The following TTC6 variants were observed in gnomAD, a reference collection of about 807,000 sequenced individuals.
TTC6 encodes the protein tetratricopeptide repeat domain 6, also known as tetratricopeptide repeat protein 6.
In TTC6, 172 loss-of-function variants were observed where a neutral mutation model predicts 210.4. The ratio of observed to expected loss-of-function variants is 0.82; its 90% CI spans 0.72 to 0.93. The LOEUF (loss-of-function observed/expected upper bound fraction) is 0.93, where lower values mean the gene tolerates loss of function less well. Among genes scored for constraint, TTC6 ranks in the 40% least tolerant of loss-of-function variants. The probability of loss-of-function intolerance (pLI) is 0.00; values close to 1 mark genes in which losing one functional copy is unlikely to be tolerated. For synonymous variants in TTC6, 804 were observed against 819.6 expected, an observed-to-expected ratio of 0.98 and a Z score of 0.32; for missense variants, 2,414 against 2,318.1, an observed-to-expected ratio of 1.04 and a Z score of -0.85.
upstream of TTC6, among the ~76,000 whole-genome samples, chr14:37,620,941 A>T (rs2095650076): frequency 2.0e-5 from 3 of 152,156 alleles, no homozygotes; most frequent in African/African-American, 7.2e-5. Flanking sequence ...GCCAGCCTTT[A>T]TTCTTTCTTC....
intron 24 of TTC6, among the ~76,000 whole-genome samples, chr14:37,811,252 ATGTT>A: frequency 6.6e-6 from 1 of 152,350 alleles, no homozygotes; most frequent in East Asian, 1.9e-4. Context: ...TAAAAGAAAA[ATGTT>A]AGACAATTTG....
chr14:37,632,323 G>A (rs919505215), intron 1 of TTC6, among the ~76,000 whole-genome samples: 1 of 152,188 alleles, frequency 6.6e-6, no homozygotes, highest in African/African-American at 2.4e-5. Flanking sequence ...TTTGGTTGAT[G>A]TTGAGGCTAT....
In TTC6 at chr14:37,682,969, G is replaced by C; in HGVS notation, c.1257+5G>C. On this transcript the variant is annotated splice_donor_5th_base_variant and intron_variant, in intron 3 of 30. Transcript: ENST00000553443. Reference sequence around the variant, plus strand: ...GCCAAGTGGGTGTCTTTAACGGTAAGAAACTATTTATGTTGGAAACACCTA... The same window carrying C: ...GCCAAGTGGGTGTCTTTAACGGTAACAAACTATTTATGTTGGAAACACCTA... The C allele has an allele frequency of 6.5e-7, 1 of 1,534,358 alleles. No individual in the cohort carries two copies. Among genetic ancestry groups the C allele is most frequent in the African/African-American group, 1.4e-5 (1 of 73,054 alleles).
intron 14 of TTC6, among the ~76,000 whole-genome samples, chr14:37,772,797 A>G (rs2096024430): frequency 6.6e-6 from 1 of 152,120 alleles, no homozygotes; most frequent in African/African-American, 2.4e-5. Flanking sequence ...TGTAGACCGG[A>G]GCTGTTCCTA....
intron 1 of TTC6, among the ~76,000 whole-genome samples, chr14:37,633,762 C>T (rs911810456): frequency 1.6e-4 from 25 of 152,156 alleles, no homozygotes; most frequent in South Asian, 8.3e-4. Context: ...TCAATGGAGG[C>T]CATGTGGAGA....
At chr14:37,679,122 T>C (rs2095777066) in intron 1 of TTC6, among the ~76,000 whole-genome samples, 1 of 152,044 alleles carries the variant, frequency 6.6e-6, no homozygotes, top group African/African-American at 2.4e-5. Context: ...CTCAGGAGGC[T>C]GAGGTGAAAG....
At chr14:37,832,998 C>T (rs1478813777) in intron 29 of TTC6, among the ~76,000 whole-genome samples, 1 of 145,290 alleles carries the variant, frequency 6.9e-6, no homozygotes, top group East Asian at 2.0e-4. Flanking sequence ...GCGGAGGTTG[C>T]AGTGAGCTGA....
intron 3 of TTC6, among the ~76,000 whole-genome samples, chr14:37,683,539 A>G (rs981608141): frequency 2.0e-5 from 3 of 152,178 alleles, no homozygotes; most frequent in Admixed American, 1.3e-4. Context: ...GTGAATACAC[A>G]TAGGACAATA....
rs566215823 is a variant in TTC6, at chr14:37,753,091, C to G, written c.3130-8C>G. 45 of 1,527,006 alleles carry G rather than the reference C, an allele frequency of 2.9e-5. 1 individual carries two copies. In the South Asian group the frequency reaches 5.4e-4, roughly 18 times the overall value. The allele number at this position is 1,527,006 out of a possible 1,614,324, so 94.6% of individuals were successfully genotyped here. A position where few individuals can be genotyped will look rare whatever the true frequency, so the allele number is the denominator to read the frequency against. ...GTGATGTTTATGTACCTCCCGCTGT[C>G]CCTATAGTGTATTTTTTATGATCCC... On this transcript the variant is annotated splice_region_variant and splice_polypyrimidine_tract_variant and intron_variant, in intron 13 of 30. Coordinates refer to ENST00000553443, the Ensembl canonical transcript of TTC6.
chr14:37,623,051 G>A (rs72674261), intron 1 of TTC6, 48 bp downstream of exon 3: 22,322 of 1,344,176 alleles, frequency 0.017, 215 homozygotes, highest in Admixed American at 0.021. Context: ...TGCAATTTGG[G>A]TTACATTACA....
intron 1 of TTC6, among the ~76,000 whole-genome samples, chr14:37,645,596 C>T (rs893648090): frequency 2.6e-5 from 4 of 152,180 alleles, no homozygotes; most frequent in African/African-American, 9.6e-5. Context: ...AGGAGAACAT[C>T]ACATTGAGCA....
chr14:37,602,438 C>T (rs2095617433), intron 1 of TTC6, among the ~76,000 whole-genome samples: 1 of 152,214 alleles, frequency 6.6e-6, no homozygotes, highest in Admixed American at 6.5e-5. Flanking sequence ...GGAGACCTCT[C>T]GTGTCATTTT....
intron 1 of TTC6, among the ~76,000 whole-genome samples, chr14:37,637,638 G>GA (rs980598411): frequency 6.6e-6 from 1 of 150,610 alleles, no homozygotes; most frequent in African/African-American, 2.4e-5. Context: ...GGGTCCTGAG[G>GA]AAAAAAAAGA....
At position 37,807,482 on chromosome 14, in the gene TTC6, T is replaced by C. The variant is rs1392643895; in HGVS notation, c.4455+22T>C. 7 of 1,443,600 alleles carry C rather than the reference T, an allele frequency of 4.8e-6. No individual in the cohort carries two copies. The East Asian group carries it at 1.0e-4, about 21-fold the overall frequency. The allele number at this position is 1,443,600 out of a possible 1,614,324, so 89.4% of individuals were successfully genotyped here. On this transcript the variant is annotated intron_variant, in intron 23 of 30. Coordinates refer to ENST00000553443, the Ensembl canonical transcript of TTC6. Reference sequence around the variant, plus strand: ...CAAGGTAGGGCCATTTCCTGCCTGGTTTACCGAAATTTTAGGGTGGGCAGA... The same window carrying C: ...CAAGGTAGGGCCATTTCCTGCCTGGCTTACCGAAATTTTAGGGTGGGCAGA...
intron 24 of TTC6, among the ~76,000 whole-genome samples, chr14:37,811,879 C>T (rs905187435): frequency 3.3e-5 from 5 of 152,110 alleles, no homozygotes; most frequent in African/African-American, 9.7e-5. Context: ...ATTCTTGTTA[C>T]TGGGCTTAAA....
upstream of TTC6, among the ~76,000 whole-genome samples, chr14:37,620,049 G>T (rs1282357123): frequency 6.6e-6 from 1 of 151,636 alleles, no homozygotes; most frequent in Non-Finnish European, 1.5e-5. Context: ...TTTTTTGTTA[G>T]GTTTATGCCT....
At chr14:37,607,904 A>G (rs1234552493) in intron 2 of TTC6, among the ~76,000 whole-genome samples, 3 of 152,242 alleles carry the variant, frequency 2.0e-5, no homozygotes, top group Non-Finnish European at 1.5e-5. Context: ...GCCCTCAGAA[A>G]TCTATAAGTA....
chr14:37,736,057 C>A, intron 8 of TTC6, 47 bp downstream of exon 10: 1 of 973,854 alleles, frequency 1.0e-6, no homozygotes, highest in Non-Finnish European at 1.6e-6. Flanking sequence ...CTCTATCTGC[C>A]TACAGTCCAG....
intron 14 of TTC6, among the ~76,000 whole-genome samples, chr14:37,764,797 ACT>A (rs1247379762): frequency 2.0e-5 from 3 of 151,608 alleles, no homozygotes; most frequent in Non-Finnish European, 2.9e-5. Context: ...AGGAGAGATA[ACT>A]CTGCCATTTT....
Sources: gnomAD v4.1 joint callset for allele counts (sites outside exome capture counted in the v4.1 genomes callset) on GRCh38, gnomAD v4.1.1 for gene constraint, MANE v1.5 for transcripts, NCBI Gene and HGNC (gene_info 2026-07-23, HGNC 2026-07-21) for gene names.